FARS2: variants seen among roughly 807,000 people sequenced by gnomAD.
FARS2 encodes the protein phenylalanine--tRNA ligase, mitochondrial.
A neutral mutation model predicts 46.4 loss-of-function variants in FARS2; 40 were observed. The ratio of observed to expected loss-of-function variants is 0.86; its 90% confidence interval spans 0.67 to 1.12. FARS2 has a LOEUF of 1.12. FARS2 is among the 50% of genes most tolerant of loss of function. The pLI is 0.00. For synonymous variants in FARS2, 234 were observed against 214.9 expected (o/e 1.09, Z -0.78); for missense variants, 513 against 567.9 (o/e 0.90, Z 0.98).
intron 4 of FARS2, among the ~76,000 whole-genome samples, chr6:5,439,642 T>A (rs1161312706): frequency 6.6e-6 from 1 of 152,240 alleles, no homozygotes; most frequent in Non-Finnish European, 1.5e-5. Flanking sequence ...GTTTGGGTTG[T>A]GAATGCACTC....
chr6:5,257,019 ACTAGCGTC>A (rs1311111633), upstream of FARS2, among the ~76,000 whole-genome samples: 2 of 152,188 alleles, frequency 1.3e-5, no homozygotes, highest in South Asian at 4.1e-4. Flanking sequence ...TCCTGTCCTT[ACTAGCGTC>A]CTAATCTCTA....
intron 6 of FARS2, among the ~76,000 whole-genome samples, chr6:5,655,566 G>A (rs905933400): frequency 3.9e-5 from 6 of 152,090 alleles, no homozygotes; most frequent in East Asian, 1.9e-4. Context: ...TGCATCTAGC[G>A]GTCCCTGCAT....
intron 1 of FARS2, among the ~76,000 whole-genome samples, chr6:5,284,600 C>G (rs563218697): frequency 6.6e-6 from 1 of 152,186 alleles, no homozygotes; most frequent in African/African-American, 2.4e-5. Context: ...TTATTTATCA[C>G]TGGAACTACT....
At chr6:5,541,110 G>T (rs1038819777) in intron 4 of FARS2, among the ~76,000 whole-genome samples, 5 of 152,098 alleles carry the variant, frequency 3.3e-5, no homozygotes, top group African/African-American at 1.2e-4. Flanking sequence ...AACTTTGTGG[G>T]TTTAAATATA....
chr6:5,518,426 G>A (rs1169509024), intron 4 of FARS2, among the ~76,000 whole-genome samples: 1 of 152,228 alleles, frequency 6.6e-6, no homozygotes, highest in Non-Finnish European at 1.5e-5. Flanking sequence ...AGTTACTGTA[G>A]ATGAATGAAG....
At chr6:5,749,188 T>G (rs1476913250) in intron 6 of FARS2, among the ~76,000 whole-genome samples, 1 of 151,736 alleles carries the variant, frequency 6.6e-6, no homozygotes, top group Non-Finnish European at 1.5e-5. Flanking sequence ...GGTCTGGGAG[T>G]GGGAGCAGCC....
chr6:5,741,155 G>A (rs1192037554), intron 6 of FARS2, among the ~76,000 whole-genome samples: 3 of 152,176 alleles, frequency 2.0e-5, no homozygotes, highest in Non-Finnish European at 2.9e-5. Context: ...ACTAATTCCT[G>A]TTAAAACCAA....
chr6:5,254,405 C>G, the FARS2 span, among the ~76,000 whole-genome samples: 1 of 152,176 alleles, frequency 6.6e-6, no homozygotes, highest in Non-Finnish European at 1.5e-5. Context: ...CAGGAATAAA[C>G]TTATTTCTTG....
rs552272738 is a variant in FARS2 at position 5,583,938 on chromosome 6, G to A, written c.1066-29231G>A. 9.2e-5 allele frequency among the ~76,000 whole-genome samples: 14 copies of A among 152,210 alleles called. No homozygotes were observed. The South Asian group carries it at 2.9e-3, about 32-fold the overall frequency. ...GCACTTACTTCCTGAGAAAACTATT[G>A]CTGTTTCTTAAAGGTTCAATGGCTT... On this transcript the variant is annotated intron_variant, in intron 5 of 6. Transcript: ENST00000274680.
At chr6:5,484,865 G>A (rs2150349438) in intron 4 of FARS2, among the ~76,000 whole-genome samples, 1 of 152,272 alleles carries the variant, frequency 6.6e-6, no homozygotes, top group South Asian at 2.1e-4. Flanking sequence ...GGCAGACGGG[G>A]GCACAGCTGT....
At chr6:5,555,504 T>C (rs1014261420) in intron 5 of FARS2, among the ~76,000 whole-genome samples, 13 of 152,154 alleles carry the variant, frequency 8.5e-5, no homozygotes, top group Non-Finnish European at 1.6e-4. Flanking sequence ...GAGCCTCTGA[T>C]TACTTGCTAA....
chr6:5,687,973 G>A (rs1325218834), intron 6 of FARS2, among the ~76,000 whole-genome samples: 1 of 152,162 alleles, frequency 6.6e-6, no homozygotes, highest in Non-Finnish European at 1.5e-5. Context: ...TTGTGAATGG[G>A]AGTTCACTCA....
At chr6:5,444,325 G>A (rs1286318030) in intron 4 of FARS2, among the ~76,000 whole-genome samples, 3 of 151,798 alleles carry the variant, frequency 2.0e-5, no homozygotes, top group East Asian at 3.9e-4. Flanking sequence ...AAATTAGCTG[G>A]GCATGGTGTC....
At chr6:5,401,370 T>C (rs770648203) in intron 2 of FARS2, among the ~76,000 whole-genome samples, 17 of 152,164 alleles carry the variant, frequency 1.1e-4, no homozygotes, top group Non-Finnish European at 2.4e-4. Flanking sequence ...ATTTTTAACT[T>C]TGTTCTTAGT....
At chr6:5,358,010 A>G (rs891929555) in intron 1 of FARS2, among the ~76,000 whole-genome samples, 2 of 152,218 alleles carry the variant, frequency 1.3e-5, no homozygotes, top group Admixed American at 6.5e-5. Flanking sequence ...TTGCTGCACT[A>G]CAGTCAAGAG....
intron 6 of FARS2, among the ~76,000 whole-genome samples, chr6:5,717,412 C>A (rs964210465): frequency 7.0e-6 from 1 of 142,428 alleles, no homozygotes; most frequent in African/African-American, 2.7e-5. Context: ...TCTCTCACAA[C>A]CCCCTCTCTA....
At chr6:5,412,211 G>A (rs1460443559) in intron 3 of FARS2, among the ~76,000 whole-genome samples, 1 of 152,206 alleles carries the variant, frequency 6.6e-6, no homozygotes, top group African/African-American at 2.4e-5. Flanking sequence ...CAGCTTCTTG[G>A]GGAATTGCCT....
rs148346555 is a variant in FARS2 at position 5,453,612 on chromosome 6, A to G, written c.904+22440A>G. Among the ~76,000 whole-genome samples the G allele has an allele frequency of 3.4e-3, 523 of 152,340 alleles. 8 individuals are homozygous for G. Among genetic ancestry groups the G allele is most frequent in the African/African-American group, 0.012 (493 of 41,570 alleles). Reference sequence around the variant, plus strand: ...GCTCTGTTTAACATATGATGAAGTTAATTGTGAAAGATCTCTAGAATCCAA... The same window carrying G: ...GCTCTGTTTAACATATGATGAAGTTGATTGTGAAAGATCTCTAGAATCCAA... On this transcript the variant is annotated intron_variant, in intron 4 of 6. Coordinates refer to ENST00000274680, the MANE Select transcript of FARS2 (RefSeq NM_006567.5).
chr6:5,723,631 G>A (rs1760055320), intron 6 of FARS2, among the ~76,000 whole-genome samples: 1 of 152,308 alleles, frequency 6.6e-6, no homozygotes, highest in Non-Finnish European at 1.5e-5. Context: ...CTTTCTTTAT[G>A]TAACTGGGAA....
Sources: gnomAD v4.1 joint callset for allele counts (sites outside exome capture counted in the v4.1 genomes callset) on GRCh38, gnomAD v4.1.1 for gene constraint, MANE v1.5 for transcripts, NCBI Gene and HGNC (gene_info 2026-07-23, HGNC 2026-07-21) for gene names.